Variants in CYP2C18 observed in about 807,000 individuals in gnomAD.
The protein encoded by CYP2C18 is cytochrome P450 family 2 subfamily C member 18.
In CYP2C18, 38 loss-of-function variants were observed where a neutral mutation model predicts 41.3. The observed-to-expected ratio is 0.92, with a 90% CI of 0.71 to 1.21. CYP2C18 has a LOEUF of 1.21. CYP2C18 is among the 50% of genes most tolerant of loss of function. The pLI, the probability that CYP2C18 is intolerant of heterozygous loss-of-function variation, is 0.00. For missense variants in CYP2C18, 635 were observed against 591.4 expected (o/e 1.07, Z -0.77); for synonymous variants, 236 against 210.0 (o/e 1.12, Z -1.07).
At position 94,724,428 on chromosome 10, in the gene CYP2C18, A is replaced by G. The variant is rs774153754; in HGVS notation, c.1044A>G (p.Thr348=). 1 of 1,613,668 alleles carries G rather than the reference A, an allele frequency of 6.2e-7. No homozygotes were observed. The highest frequency in any genetic ancestry group is 1.1e-5 in the South Asian group (1 of 91,068). ...AGGACAGGAGTCACATGCCCTACAC[A>G]GATGCTGTGGTGCACGAGATCCAGA... is the stretch of plus-strand genomic sequence containing the variant. ...CMQDRSHMPY[T]DAVVHEIQRY... The change falls in exon 7 of 9, where the codon ACA becomes ACG. Residue 348 remains threonine, a synonymous_variant. Transcript: ENST00000285979.
chr10:94,707,091 C>T (rs1360442055), intron 5 of CYP2C18, 131 bp downstream of exon 5: 1 of 572,776 alleles, frequency 1.7e-6, no homozygotes, highest in Non-Finnish European at 2.9e-6. Flanking sequence ...CTGGATGAAG[C>T]ACCATGGAGA....
intron 7 of CYP2C18, among the ~76,000 whole-genome samples, chr10:94,726,202 T>G (rs549891352): frequency 2.4e-3 from 189 of 79,736 alleles, no homozygotes; most frequent in African/African-American, 0.011. Flanking sequence ...TTTTTTTCAA[T>G]TTTTTTTTTA....
intron 3 of CYP2C18, among the ~76,000 whole-genome samples, chr10:94,690,588 C>T (rs542743052): frequency 5.3e-5 from 8 of 152,180 alleles, no homozygotes; most frequent in African/African-American, 1.2e-4. Context: ...GATTCACAGC[C>T]GAATTCTATC....
At chr10:94,703,000 A>C (rs1226193636) in intron 4 of CYP2C18, among the ~76,000 whole-genome samples, 1 of 152,144 alleles carries the variant, frequency 6.6e-6, no homozygotes, top group African/African-American at 2.4e-5. Flanking sequence ...CCTCTTCTGC[A>C]GGTCTGCTGG....
At chr10:94,705,643 TTTG>T (rs1362221902) in intron 4 of CYP2C18, among the ~76,000 whole-genome samples, 13 of 152,304 alleles carry the variant, frequency 8.5e-5, no homozygotes, top group African/African-American at 3.1e-4. Context: ...TTCTGACTTT[TTTG>T]TTTGAATTTT....
intron 7 of CYP2C18, among the ~76,000 whole-genome samples, chr10:94,731,513 A>G (rs1381476379): frequency 6.6e-6 from 1 of 152,204 alleles, no homozygotes; most frequent in African/African-American, 2.4e-5. Context: ...TAGCCAAAAC[A>G]AACCTAAGCA....
chr10:94,702,259 C>A (rs1564641420), intron 4 of CYP2C18, among the ~76,000 whole-genome samples: 1 of 152,076 alleles, frequency 6.6e-6, no homozygotes, highest in Admixed American at 6.6e-5. Flanking sequence ...TCCTGTATTT[C>A]CTGAATTTGA....
intron 5 of CYP2C18, among the ~76,000 whole-genome samples, chr10:94,714,615 G>C (rs1441439981): frequency 2.6e-5 from 4 of 152,180 alleles, no homozygotes; most frequent in Non-Finnish European, 5.9e-5. Flanking sequence ...GTAGCATGAT[G>C]CCTCCAGCTT....
intron 2 of CYP2C18, 68 bp from the exon 3 acceptor site, chr10:94,688,057 T>G: frequency 6.2e-7 from 1 of 1,608,682 alleles, no homozygotes; most frequent in Non-Finnish European, 8.5e-7. Flanking sequence ...TCCACGTGGC[T>G]GCCGAGTGTC....
chr10:94,724,597 C>T (rs777797943), intron 7 of CYP2C18, 64 bp downstream of exon 7: 359 of 1,418,454 alleles, frequency 2.5e-4, no homozygotes, highest in Non-Finnish European at 3.2e-4. Flanking sequence ...ATAGTATAGT[C>T]CCAATCCTCT....
At chr10:94,723,594 A>G (rs1243883415) in intron 6 of CYP2C18, among the ~76,000 whole-genome samples, 2 of 152,162 alleles carry the variant, frequency 1.3e-5, no homozygotes, top group African/African-American at 4.8e-5. Flanking sequence ...ATGAAATAAT[A>G]ATGGTGTGAA....
chr10:94,728,562 T>A, intron 7 of CYP2C18: 1 of 776,248 alleles, frequency 1.3e-6, no homozygotes, highest in Non-Finnish European at 1.6e-6. Flanking sequence ...TTAGGTTGGA[T>A]TCATCTCTGA....
intron 6 of CYP2C18, among the ~76,000 whole-genome samples, chr10:94,722,467 CA>C (rs1304737786): frequency 6.6e-6 from 1 of 152,086 alleles, no homozygotes; most frequent in Admixed American, 6.6e-5. Context: ...GTATAACCAT[CA>C]AGTCTTTAAC....
chr10:94,730,929 A>T (rs754605255), intron 7 of CYP2C18, among the ~76,000 whole-genome samples: 1 of 152,196 alleles, frequency 6.6e-6, no homozygotes, highest in Non-Finnish European at 1.5e-5. Flanking sequence ...CATTTACAAT[A>T]GCCACAAAAT....
At chr10:94,688,340 A>G (rs1846934303) in intron 3 of CYP2C18, 66 bp downstream of exon 3, 1 of 1,522,148 alleles carries the variant, frequency 6.6e-7, no homozygotes, top group Non-Finnish European at 8.8e-7. Flanking sequence ...TTTTAGATTG[A>G]TACATAACTT....
At chr10:94,716,489 G>A (rs1234934673) in intron 5 of CYP2C18, among the ~76,000 whole-genome samples, 3 of 152,224 alleles carry the variant, frequency 2.0e-5, no homozygotes, top group African/African-American at 7.2e-5. Flanking sequence ...TAATTGAGTG[G>A]TTTTGGGTGA....
At position 94,688,270 on chromosome 10, in the gene CYP2C18, C is replaced by A. The variant is rs1846932375; in HGVS notation, c.477C>A (p.Thr159=). The A allele has an allele frequency of 6.2e-7, 1 of 1,601,946 alleles. No homozygotes were observed. Among genetic ancestry groups the A allele is most frequent in the Non-Finnish European group, 8.5e-7 (1 of 1,176,196 alleles). ...GCCTTGTGGAGGAGTTGAGAAAAAC[C>A]AATGGTGGGTGACTTTTTTTTTTCC... ...ARCLVEELRK[T]NASPCDPTFI... The change falls in exon 3 of 9, where the codon ACC becomes ACA. Residue 159 remains threonine (T), a synonymous_variant. Transcript: ENST00000285979.
chr10:94,727,724 T>C (rs1438928848), intron 7 of CYP2C18, among the ~76,000 whole-genome samples: 1 of 152,184 alleles, frequency 6.6e-6, no homozygotes, highest in Non-Finnish European at 1.5e-5. Context: ...GTAGCAACTA[T>C]TATGTAGCAT....
At position 94,724,553 on chromosome 10, in the gene CYP2C18, A is replaced by C; in HGVS notation, c.1149+20A>C. On this transcript the variant is annotated intron_variant, in intron 7 of 8. Transcript: ENST00000285979. ...CCCAAGGTAAGCTTGTTTCTCCTACACTACATCTCCATGCTCTTCAAGTCC... is the reference window on the plus strand; with the variant it reads ...CCCAAGGTAAGCTTGTTTCTCCTACCCTACATCTCCATGCTCTTCAAGTCC... 1 of 1,605,238 alleles carries C rather than the reference A, an allele frequency of 6.2e-7. No homozygotes were observed. The highest frequency in any genetic ancestry group is 2.2e-5 in the East Asian group (1 of 44,786).
Sources: gnomAD v4.1 joint callset for allele counts (sites outside exome capture counted in the v4.1 genomes callset) on GRCh38, gnomAD v4.1.1 for gene constraint, MANE v1.5 for transcripts, NCBI Gene and HGNC (gene_info 2026-07-23, HGNC 2026-07-21) for gene names.